Variants in SVOPL observed in about 807,000 individuals in gnomAD.
SVOPL encodes SVOP like.
SVOPL carries 60 observed loss-of-function variants against 61.0 expected under a neutral mutation model. The observed-to-expected ratio is 0.98, with a 90% CI of 0.80 to 1.22. The LOEUF (loss-of-function observed/expected upper bound fraction) is 1.22, where lower values mean the gene tolerates loss of function less well. Ranked by LOEUF, SVOPL falls within the 50% of genes most tolerant of loss-of-function variation. SVOPL has a pLI of 0.00. For missense variants in SVOPL, 662 were observed against 643.9 expected, an observed-to-expected ratio of 1.03 and a Z score of -0.30; for synonymous variants, 279 against 250.0, an observed-to-expected ratio of 1.12 and a Z score of -1.09.
Position 138,617,663 on chromosome 7 carries a change from C to T in SVOPL, c.1353+3383G>A, listed in dbSNP as rs556535052. Among the ~76,000 whole-genome samples, 609 of 152,194 alleles carry T rather than the reference C, an allele frequency of 4.0e-3. 3 individuals are homozygous for T. The highest frequency in any genetic ancestry group is 0.012 in the African/African-American group (489 of 41,552). On this transcript the variant is annotated intron_variant, in intron 14 of 15. Coordinates refer to ENST00000674285, the MANE Select transcript of SVOPL (RefSeq NM_001139456.2). ...CAGGCTGAGCAACACAGTGAGACCT[C>T]ATCTCTACTAAAATTCAAAAAAATT...
At chr7:138,673,164 TATA>T (rs3080446) in intron 3 of SVOPL, among the ~76,000 whole-genome samples, 28,112 of 151,982 alleles carry the variant, frequency 0.18, 3,781 homozygotes, top group African/African-American at 0.38. Flanking sequence ...TATGGGTTAT[TATA>T]ATAATGTTTA....
rs1400597184 is a variant in SVOPL, at chr7:138,628,296, C to T, written c.931G>A (p.Val311Ile). The change falls in exon 11 of 16, where the codon GTC (valine) becomes ATC (isoleucine). Residue 311 changes from valine to isoleucine, a missense_variant. By Grantham distance (29) the Val-to-Ile change is conservative. Transcript: ENST00000674285. ...ASAELLERDL[V>I]CGSKSDSAVV... ...GCAGAGTCTGACTTTGAACCACAGA[C>T]CAAGTCCCGCTCCAGCAGCTCAGCA... is the stretch of plus-strand genomic sequence containing the variant. The T allele has an allele frequency of 1.9e-6, 3 of 1,614,074 alleles. No homozygotes were observed. The highest frequency in any genetic ancestry group is 2.5e-6 in the Non-Finnish European group (3 of 1,180,058).
chr7:138,612,742 T>C (rs928445884), intron 14 of SVOPL, among the ~76,000 whole-genome samples: 2 of 152,094 alleles, frequency 1.3e-5, no homozygotes. Flanking sequence ...CTCGAACTCC[T>C]GACCTCAGAT....
At chr7:138,641,753 G>A (rs1446744722) in intron 9 of SVOPL, among the ~76,000 whole-genome samples, 1 of 142,698 alleles carries the variant, frequency 7.0e-6, no homozygotes, top group Non-Finnish European at 1.5e-5. Flanking sequence ...GAAAGTCATT[G>A]TCTTTTTGAA....
rs773934409 is a variant in SVOPL at position 138,678,395 on chromosome 7, G to C, written c.174+39C>G. ...TAAATCTCTTCAAATATTTTACAGAGTTTGACACTTTTCGTCAACATCTCG... is the reference window on the plus strand; with the variant it reads ...TAAATCTCTTCAAATATTTTACAGACTTTGACACTTTTCGTCAACATCTCG... On this transcript the variant is annotated intron_variant, in intron 3 of 15. Transcript: ENST00000674285. 2.6e-6 allele frequency: 4 copies of C among 1,537,824 alleles called. No homozygotes were observed. The African/African-American group carries it at 5.5e-5, about 21-fold the overall frequency.
intron 1 of SVOPL, among the ~76,000 whole-genome samples, chr7:138,695,688 G>T (rs1316187580): frequency 2.6e-5 from 4 of 151,916 alleles, no homozygotes; most frequent in African/African-American, 9.7e-5. Context: ...AGAGAAAAAG[G>T]GTGACGTTAG....
intron 1 of SVOPL, among the ~76,000 whole-genome samples, chr7:138,698,898 C>T (rs377704277): frequency 1.3e-5 from 2 of 152,150 alleles, no homozygotes; most frequent in Admixed American, 1.3e-4. Context: ...CACCTGTAAT[C>T]CCAGCACTTT....
At chr7:138,622,208 A>ATCTG (rs1799677423) in intron 13 of SVOPL, among the ~76,000 whole-genome samples, 1 of 110,286 alleles carries the variant, frequency 9.1e-6, no homozygotes, top group African/African-American at 3.5e-5. Context: ...CTATGTATCT[A>ATCTG]TCTATCTATC....
chr7:138,690,207 A>G (rs1317709279), intron 1 of SVOPL, among the ~76,000 whole-genome samples: 2 of 152,186 alleles, frequency 1.3e-5, no homozygotes, highest in African/African-American at 2.4e-5. Context: ...TTGTTATGGC[A>G]GCCCTAGGGA....
chr7:138,683,872 T>A (rs2117129336), intron 1 of SVOPL, among the ~76,000 whole-genome samples: 1 of 150,130 alleles, frequency 6.7e-6, no homozygotes, highest in African/African-American at 2.5e-5. Flanking sequence ...GCCAACATGG[T>A]GAAACCCTGT....
chr7:138,661,480 G>A (rs1342281558), intron 5 of SVOPL: 19 of 982,408 alleles, frequency 1.9e-5, no homozygotes, highest in Non-Finnish European at 2.2e-5. Flanking sequence ...TGCGACTCCG[G>A]TCACATTCCC....
intron 6 of SVOPL, among the ~76,000 whole-genome samples, chr7:138,656,795 C>T (rs957748855): frequency 6.6e-6 from 1 of 152,128 alleles, no homozygotes; most frequent in Non-Finnish European, 1.5e-5. Context: ...GTAATCTCTG[C>T]ACTTTGGGAG....
At chr7:138,631,511 A>G (rs1179429749) in intron 9 of SVOPL, among the ~76,000 whole-genome samples, 1 of 151,874 alleles carries the variant, frequency 6.6e-6, no homozygotes, top group Non-Finnish European at 1.5e-5. Flanking sequence ...GACCCACGGC[A>G]CATTCCCACA....
rs118039778 is a variant in SVOPL, at chr7:138,647,097, C to T, written c.660+1915G>A. Among the ~76,000 whole-genome samples the T allele has an allele frequency of 1.5e-4, 23 of 152,258 alleles. No individual in the cohort carries two copies. The East Asian group carries it at 4.4e-3, about 29-fold the overall frequency. On this transcript the variant is annotated intron_variant, in intron 8 of 15. Coordinates refer to ENST00000674285, the MANE Select transcript of SVOPL (RefSeq NM_001139456.2). ...CATACATATTTAAGAGGATGATGGC[C>T]GGGCGCAGTGGCTCACACCTGCAAT...
intron 1 of SVOPL, chr7:138,689,545 G>A (rs1802893180): frequency 4.9e-5 from 22 of 452,528 alleles, no homozygotes; most frequent in Admixed American, 1.0e-4. Flanking sequence ...TAAAATAAAT[G>A]AAATTAAAAG....
intron 14 of SVOPL, among the ~76,000 whole-genome samples, chr7:138,609,393 T>C (rs1328897229): frequency 2.0e-5 from 3 of 146,780 alleles, no homozygotes; most frequent in South Asian, 2.1e-4. Context: ...ACGCCTGTAA[T>C]CCCAGCACTT....
intron 14 of SVOPL, among the ~76,000 whole-genome samples, chr7:138,612,944 G>C (rs761198832): frequency 1.2e-4 from 19 of 152,098 alleles, no homozygotes; most frequent in Non-Finnish European, 2.5e-4. Context: ...TGTGAACTGA[G>C]AGTTGTCTTA....
chr7:138,621,874 C>T (rs138638135), intron 13 of SVOPL, among the ~76,000 whole-genome samples: 1 of 26,040 alleles, frequency 3.8e-5, no homozygotes, highest in African/African-American at 1.1e-4. Context: ...ATCTATCTAT[C>T]TATCTATCTA....
intron 6 of SVOPL, among the ~76,000 whole-genome samples, chr7:138,657,821 A>G (rs1365295021): frequency 6.6e-6 from 1 of 152,182 alleles, no homozygotes; most frequent in Non-Finnish European, 1.5e-5. Context: ...TATTTTAAGA[A>G]TAATCTCCTC....
Sources: allele counts gnomAD v4.1 joint callset (sites outside exome capture counted in the v4.1 genomes callset), GRCh38; gene constraint gnomAD v4.1.1; transcripts MANE v1.5; gene names NCBI Gene and HGNC (gene_info 2026-07-23, HGNC 2026-07-21).